The following PTPRD variants were observed in gnomAD, a reference collection of about 807,000 sequenced individuals.
The protein encoded by PTPRD is receptor-type tyrosine-protein phosphatase delta.
PTPRD carries 34 observed loss-of-function variants against 214.5 expected under a neutral mutation model. That is an observed-to-expected ratio of 0.16 (90% CI 0.12 to 0.21). The LOEUF is 0.21. Ranked by LOEUF, PTPRD falls within the 10% of genes least tolerant of loss-of-function variation. The pLI is 1.00. For synonymous variants in PTPRD, 1,128 were observed against 845.7 expected (o/e 1.33, Z -5.79); for missense variants, 2,545 against 2,398.7 (o/e 1.06, Z -1.27).
intron 7 of PTPRD, among the ~76,000 whole-genome samples, chr9:9,603,343 C>T (rs1161135647): frequency 6.6e-6 from 1 of 152,104 alleles, no homozygotes; most frequent in Non-Finnish European, 1.5e-5. Flanking sequence ...AATTCAATAG[C>T]TGTGAGATGT....
intron 13 of PTPRD, among the ~76,000 whole-genome samples, chr9:8,634,163 T>C (rs2096352121): frequency 6.6e-6 from 1 of 151,850 alleles, no homozygotes; most frequent in African/African-American, 2.4e-5. Flanking sequence ...GAATTCACCA[T>C]CATTAGGAAC....
At position 9,933,517 on chromosome 9, in the gene PTPRD, A is replaced by G. The variant is rs1470900623; in HGVS notation, c.-368+4990T>C. On this transcript the variant is annotated intron_variant, in intron 5 of 45. Coordinates refer to ENST00000381196, the MANE Select transcript of PTPRD (RefSeq NM_002839.4). The stretch of plus-strand genomic sequence containing the variant: ...TAGTGGTAAAGGGATCAATTCAACA[A>G]GAAGAGCTAACTATCCTAAATATAT... Among the ~76,000 whole-genome samples, 20 of 151,820 alleles carry G rather than the reference A, an allele frequency of 1.3e-4. 1 individual carries two copies. Among genetic ancestry groups the G allele is most frequent in the African/African-American group, 4.1e-4 (17 of 41,000 alleles).
chr9:8,578,504 A>C (rs1471583364), intron 14 of PTPRD, among the ~76,000 whole-genome samples: 2 of 152,178 alleles, frequency 1.3e-5, no homozygotes, highest in Non-Finnish European at 2.9e-5. Context: ...TGAAACAAAA[A>C]CTCAGAAAAA....
intron 5 of PTPRD, among the ~76,000 whole-genome samples, chr9:9,788,429 G>A (rs76717037): frequency 0.099 from 14,974 of 151,468 alleles, 864 homozygotes; most frequent in South Asian, 0.22. Flanking sequence ...GCAGGCGCCT[G>A]TAGTCCCAGC....
At chr9:10,411,595 T>C (rs920679591) in intron 2 of PTPRD, among the ~76,000 whole-genome samples, 1 of 151,794 alleles carries the variant, frequency 6.6e-6, no homozygotes, top group African/African-American at 2.4e-5. Context: ...TTAGACTTAC[T>C]TGCTGATTTG....
At chr9:10,608,887 C>A (rs1219209723) in intron 2 of PTPRD, among the ~76,000 whole-genome samples, 2 of 152,004 alleles carry the variant, frequency 1.3e-5, no homozygotes, top group African/African-American at 4.8e-5. Context: ...TTTATTTATT[C>A]TTTACGGATG....
Position 8,447,330 on chromosome 9 carries a change from C to T in PTPRD, c.3988+2395G>A, listed in dbSNP as rs1024043267. Among the ~76,000 whole-genome samples, 3 of 152,146 alleles carry T rather than the reference C, an allele frequency of 2.0e-5. No homozygotes were observed. The East Asian group carries it at 5.8e-4, about 29-fold the overall frequency. On this transcript the variant is annotated intron_variant, in intron 34 of 45. Coordinates refer to ENST00000381196, the MANE Select transcript of PTPRD (RefSeq NM_002839.4). ...GTTAAATGACACCTTCCTTTATACT[C>T]AGGTCCCCATTTTAATTTTGTAAAG... is the stretch of plus-strand genomic sequence containing the variant.
At chr9:9,276,906 C>T (rs979894657) in intron 9 of PTPRD, among the ~76,000 whole-genome samples, 1 of 151,358 alleles carries the variant, frequency 6.6e-6, no homozygotes, top group Non-Finnish European at 1.5e-5. Flanking sequence ...TGTCTCTACT[C>T]ATGCAGTTCC....
chr9:8,808,739 A>ATT (rs375261536), intron 11 of PTPRD, among the ~76,000 whole-genome samples: 364 of 152,244 alleles, frequency 2.4e-3, no homozygotes, highest in Middle Eastern at 0.014. Context: ...ACGGTTATCA[A>ATT]AAGACCACCT....
chr9:9,605,299 T>C (rs963366481), intron 7 of PTPRD, among the ~76,000 whole-genome samples: 1 of 152,068 alleles, frequency 6.6e-6, no homozygotes, highest in African/African-American at 2.4e-5. Context: ...ACATGTTTAG[T>C]ATATGTGGTC....
chr9:9,412,292 C>G (rs12006196), intron 8 of PTPRD, among the ~76,000 whole-genome samples: 9 of 151,870 alleles, frequency 5.9e-5, no homozygotes, highest in Admixed American at 3.9e-4. Flanking sequence ...TGGCAAGTGA[C>G]AAGTGTAATA....
chr9:10,545,269 A>G (rs1035113917), intron 2 of PTPRD, among the ~76,000 whole-genome samples: 6 of 152,258 alleles, frequency 3.9e-5, no homozygotes, highest in African/African-American at 1.4e-4. Flanking sequence ...GGGGAGAGAG[A>G]ATTCTTTCCC....
chr9:8,454,488 C>T (rs2133819993), intron 33 of PTPRD: 2 of 1,361,686 alleles, frequency 1.5e-6, no homozygotes, highest in Non-Finnish European at 1.0e-6. Context: ...CTTTTGTGTG[C>T]AGCCCCGCCC....
In PTPRD at chr9:8,987,714, A is replaced by C. The variant is rs74679723; in HGVS notation, c.-104+30983T>G. Among the ~76,000 whole-genome samples, 348 of 152,260 alleles carry C rather than the reference A, an allele frequency of 2.3e-3. 3 individuals are homozygous for C. Among genetic ancestry groups the C allele is most frequent in the African/African-American group, 8.0e-3 (333 of 41,580 alleles). On this transcript the variant is annotated intron_variant, in intron 11 of 45. Transcript: ENST00000381196. ...AGTCATTTAACACGGGTAGCACCACATCAGCCTTTAAGAATGAAGTTGAAT... is the reference window on the plus strand; with the variant it reads ...AGTCATTTAACACGGGTAGCACCACCTCAGCCTTTAAGAATGAAGTTGAAT...
chr9:8,462,479 A>T (rs542856528), intron 32 of PTPRD, among the ~76,000 whole-genome samples: 11 of 152,140 alleles, frequency 7.2e-5, no homozygotes, highest in African/African-American at 2.6e-4. Context: ...CTTGATTCCC[A>T]AATAAAACGT....
At chr9:9,718,683 T>A (rs1162315402) in intron 7 of PTPRD, among the ~76,000 whole-genome samples, 1 of 152,226 alleles carries the variant, frequency 6.6e-6, no homozygotes, top group Non-Finnish European at 1.5e-5. Context: ...TCCCAATAGC[T>A]AAGCCCAGGT....
rs2097933317 is a variant in PTPRD, at chr9:8,523,513, C to G, written c.691G>C (p.Val231Leu). 6.2e-7 allele frequency: 1 copy of G among 1,612,942 alleles called. No individual in the cohort carries two copies. The highest frequency in any genetic ancestry group is 1.7e-5 in the Admixed American group (1 of 59,898). Residue 231 changes from valine (V) to leucine (L), a missense_variant and splice_region_variant, in exon 19 of 46, where the codon GTT (valine) becomes CTT (leucine). Transcript: ENST00000381196. ...ANLYVRELRE[V>L]RRVPPRFSIP... is the part of the protein sequence containing the mutation. ...GGTAAAAAGTAAAAAACACACCAAC[C>G]TTCTCGCAGCTCTGAGGGATGTAGG...
intron 3 of PTPRD, among the ~76,000 whole-genome samples, chr9:10,317,797 T>C (rs1012347304): frequency 3.9e-5 from 6 of 152,052 alleles, no homozygotes; most frequent in African/African-American, 1.4e-4. Flanking sequence ...GCTGGCCATG[T>C]ATAACGTCTG....
chr9:8,569,410 G>C lies in PTPRD; in HGVS notation c.353-40631C>G, dbSNP rs148954110. Among the ~76,000 whole-genome samples, 58 of 152,210 alleles carry C rather than the reference G, an allele frequency of 3.8e-4. No individual in the cohort carries two copies. In the East Asian group the frequency reaches 7.2e-3, roughly 19 times the overall value. On this transcript the variant is annotated intron_variant, in intron 14 of 45. Transcript: ENST00000381196. The stretch of plus-strand genomic sequence containing the variant: ...AAAATGCCTATAGTCCTCTGCTACA[G>C]ACAGGCAGAGAGGGGAAGAACTTTA...
Sources: allele counts gnomAD v4.1 joint callset (sites outside exome capture counted in the v4.1 genomes callset), GRCh38; gene constraint gnomAD v4.1.1; transcripts MANE v1.5; gene names NCBI Gene and HGNC (gene_info 2026-07-23, HGNC 2026-07-21).